SNX18: variants seen among roughly 807,000 people sequenced by gnomAD.
The protein encoded by SNX18 is sorting nexin-18.
A neutral mutation model predicts 48.7 loss-of-function variants in SNX18; 35 were observed. The ratio of observed to expected loss-of-function variants is 0.72; its 90% CI spans 0.55 to 0.95. The LOEUF (loss-of-function observed/expected upper bound fraction) is 0.95, where lower values mean the gene tolerates loss of function less well. Ranked by LOEUF, SNX18 falls within the 40% of genes least tolerant of loss-of-function variation. SNX18 has a pLI of 0.00. For missense variants in SNX18, 824 were observed against 871.0 expected (o/e 0.95, Z 0.68); for synonymous variants, 492 against 384.7 (o/e 1.28, Z -3.26).
At chr5:54,530,395 C>T (rs1762230596) in intron 1 of SNX18, among the ~76,000 whole-genome samples, 1 of 152,116 alleles carries the variant, frequency 6.6e-6, no homozygotes, top group South Asian at 2.1e-4. Flanking sequence ...AAGTGATTTC[C>T]AGGCTCACAG....
chr5:54,518,696 G>A lies in SNX18; in HGVS notation c.744G>A (p.Ala248=). The A allele has an allele frequency of 1.3e-6, 2 of 1,578,390 alleles. No individual in the cohort carries two copies. The highest frequency in any genetic ancestry group is 1.7e-6 in the Non-Finnish European group (2 of 1,163,136). The change falls in exon 1 of 2, where the codon GCG becomes GCA. Residue 248 remains alanine (A), a synonymous_variant. Transcript: ENST00000381410. Reference sequence around the variant, plus strand: ...GGGAGGCCTTCGTGCTGGGGGAGGCGTCAGGCTTCGTGAAGGACGGGGACA... The same window carrying A: ...GGGAGGCCTTCGTGCTGGGGGAGGCATCAGGCTTCGTGAAGGACGGGGACA... ...SGGEAFVLGE[A]SGFVKDGDKL...
chr5:54,627,110 T>C, the SNX18 span, among the ~76,000 whole-genome samples: 11 of 152,286 alleles, frequency 7.2e-5, no homozygotes, highest in African/African-American at 2.2e-4. Context: ...CTAAGAAAAA[T>C]AAAAGATTTA....
In SNX18 at chr5:54,518,485, A is replaced by G; in HGVS notation, c.533A>G (p.Asp178Gly). 3.8e-6 allele frequency: 6 copies of G among 1,570,548 alleles called. No homozygotes were observed. Among genetic ancestry groups the G allele is most frequent in the Non-Finnish European group, 5.2e-6 (6 of 1,158,338 alleles). Residue 178 changes from aspartate to glycine, a missense_variant, in exon 1 of 2, where the codon GAC (aspartate) becomes GGC (glycine). Coordinates refer to ENST00000381410, the MANE Select transcript of SNX18 (RefSeq NM_001102575.2). Reference sequence around the variant, plus strand: ...GCTCTGGGCAGCGGAGCATACCCGGACCTCGACGGCTCGTCTTCGGCGGGT... The same window carrying G: ...GCTCTGGGCAGCGGAGCATACCCGGGCCTCGACGGCTCGTCTTCGGCGGGT... Reference protein sequence around the residue: ...PGALGSGAYPDLDGSSSAGVG... With the variant: ...PGALGSGAYPGLDGSSSAGVG...
chr5:54,566,216 G>A, the SNX18 span, among the ~76,000 whole-genome samples: 1 of 152,164 alleles, frequency 6.6e-6, no homozygotes, highest in African/African-American at 2.4e-5. Context: ...GAGGTTAAGA[G>A]CACAGACTTT....
intron 1 of SNX18, among the ~76,000 whole-genome samples, chr5:54,521,682 G>A (rs2962550): frequency 0.24 from 36,788 of 152,070 alleles, 5,003 homozygotes; most frequent in East Asian, 0.43. Flanking sequence ...TCCAGCTTGG[G>A]TGACAGAGCA....
At chr5:54,523,395 C>T (rs1287359666) in intron 1 of SNX18, among the ~76,000 whole-genome samples, 1 of 152,042 alleles carries the variant, frequency 6.6e-6, no homozygotes, top group Non-Finnish European at 1.5e-5. Context: ...TTAGGTTTAC[C>T]TCTTGCGACT....
At chr5:54,647,802 C>T in the SNX18 span, among the ~76,000 whole-genome samples, 1 of 152,118 alleles carries the variant, frequency 6.6e-6, no homozygotes, top group South Asian at 2.1e-4. Flanking sequence ...GAAACTTCAA[C>T]GGGCAACAGG....
In SNX18 at chr5:54,519,378, C is replaced by T; in HGVS notation, c.1426C>T (p.Gln476Ter). 6.2e-7 allele frequency: 1 copy of T among 1,613,350 alleles called. No individual in the cohort carries two copies. Among genetic ancestry groups the T allele is most frequent in the Non-Finnish European group, 8.5e-7 (1 of 1,179,550 alleles). The change falls in exon 1 of 2, where the codon CAG becomes TAG. Residue 476 changes from glutamine to a stop codon, truncating the protein, a stop_gained. Coordinates refer to ENST00000381410, the MANE Select transcript of SNX18 (RefSeq NM_001102575.2). LOFTEE classifies it high-confidence loss of function. ...GGGCCAGTCCTTCCGCGGCCTCAGC[C>T]AGGCCTTTGAGCTGGACCAGCAGGC... ...KVGQSFRGLS[Q>*]AFELDQQAFS...
the SNX18 span, among the ~76,000 whole-genome samples, chr5:54,571,550 A>C: frequency 3.3e-5 from 5 of 152,312 alleles, no homozygotes; most frequent in South Asian, 6.2e-4. Context: ...GTGCTCCACG[A>C]ATAGGGGCTC....
intron 1 of SNX18, among the ~76,000 whole-genome samples, chr5:54,534,096 G>C (rs1017807724): frequency 2.0e-5 from 3 of 152,152 alleles, no homozygotes; most frequent in African/African-American, 7.2e-5. Flanking sequence ...AGCTGTCCCT[G>C]CTGCCCTTCA....
the SNX18 span, among the ~76,000 whole-genome samples, chr5:54,616,154 A>G: frequency 6.6e-6 from 1 of 152,246 alleles, no homozygotes; most frequent in Non-Finnish European, 1.5e-5. Flanking sequence ...TATTTAGTTA[A>G]CAAGCGTCTG....
chr5:54,571,593 T>G, the SNX18 span, among the ~76,000 whole-genome samples: 1 of 152,216 alleles, frequency 6.6e-6, no homozygotes, highest in Non-Finnish European at 1.5e-5. Flanking sequence ...TGACTTGAGA[T>G]CTTCACATTT....
At chr5:54,527,770 C>T (rs1285335029) in intron 1 of SNX18, among the ~76,000 whole-genome samples, 4 of 152,192 alleles carry the variant, frequency 2.6e-5, no homozygotes, top group South Asian at 2.1e-4. Context: ...CTGTTTTATA[C>T]ATGCATAGCA....
the SNX18 span, among the ~76,000 whole-genome samples, chr5:54,593,236 A>C: frequency 1.3e-5 from 2 of 152,232 alleles, no homozygotes; most frequent in Admixed American, 1.3e-4. Context: ...TTTACATTAA[A>C]TCATTAATAT....
chr5:54,519,666 T>G (rs1184664102), intron 1 of SNX18, 93 bp downstream of exon 1: 2 of 1,614,044 alleles, frequency 1.2e-6, no homozygotes, highest in Non-Finnish European at 1.7e-6. Flanking sequence ...GGTTTCAGAA[T>G]CATATTCTAC....
At chr5:54,569,873 G>A in the SNX18 span, among the ~76,000 whole-genome samples, 1 of 152,278 alleles carries the variant, frequency 6.6e-6, no homozygotes. Context: ...TGGGGAGGGG[G>A]CAAGATCCCA....
intron 1 of SNX18, chr5:54,520,426 A>G (rs900811181): frequency 6.0e-6 from 1 of 166,744 alleles, no homozygotes; most frequent in African/African-American, 2.4e-5. Flanking sequence ...GTGCATTCTC[A>G]TATAATGCCT....
At chr5:54,520,520 A>ACCTACTCCTGAGCAGGGAAG (rs1762004860) in intron 1 of SNX18, 1 of 166,800 alleles carries the variant, frequency 6.0e-6, no homozygotes, top group Admixed American at 6.5e-5. Context: ...GGGCAGGGAA[A>ACCTACTCCTGAGCAGGGAAG]CCTACTCCTG....
the SNX18 span, among the ~76,000 whole-genome samples, chr5:54,622,607 T>TATAAATATATATAAGTATATATATTAA: frequency 6.1e-5 from 9 of 148,046 alleles, no homozygotes; most frequent in Non-Finnish European, 1.2e-4. Context: ...ATATAATAAA[T>TATAAATATATATAAGTATATATATTAA]ATAAATATAT....
Sources: allele counts gnomAD v4.1 joint callset (sites outside exome capture counted in the v4.1 genomes callset), GRCh38; gene constraint gnomAD v4.1.1; transcripts MANE v1.5; gene names NCBI Gene and HGNC (gene_info 2026-07-23, HGNC 2026-07-21).